Variants in NEMP2 observed in about 807,000 individuals in gnomAD.
The protein encoded by NEMP2 is nuclear envelope integral membrane protein 2.
NEMP2 carries 53 observed loss-of-function variants against 54.2 expected under a neutral mutation model. That is an observed-to-expected ratio of 0.98 (90% confidence interval 0.78 to 1.23). The LOEUF (loss-of-function observed/expected upper bound fraction) is 1.23, where lower values mean the gene tolerates loss of function less well. NEMP2 is among the 50% of genes most tolerant of loss of function. NEMP2 has a pLI of 0.00. For synonymous variants in NEMP2, 197 were observed against 190.3 expected (o/e 1.04, Z -0.29); for missense variants, 455 against 511.3 (o/e 0.89, Z 1.06).
chr2:190,449,960 C>G, the NEMP2 span, among the ~76,000 whole-genome samples: 2 of 152,018 alleles, frequency 1.3e-5, no homozygotes, highest in East Asian at 3.9e-4. Flanking sequence ...CACATGTATA[C>G]ATATGTAACT....
At chr2:190,599,089 G>A in the NEMP2 span, among the ~76,000 whole-genome samples, 1 of 152,208 alleles carries the variant, frequency 6.6e-6, no homozygotes, top group Non-Finnish European at 1.5e-5. Flanking sequence ...AATCAGATGT[G>A]TTTCTTCTAA....
the NEMP2 span, among the ~76,000 whole-genome samples, chr2:190,599,547 A>G: frequency 6.6e-6 from 1 of 152,224 alleles, no homozygotes; most frequent in Non-Finnish European, 1.5e-5. Context: ...AATAGTATTA[A>G]TATTGCCAAT....
At chr2:190,586,918 A>G in the NEMP2 span, among the ~76,000 whole-genome samples, 2 of 152,104 alleles carry the variant, frequency 1.3e-5, no homozygotes, top group Non-Finnish European at 2.9e-5. The surrounding 1 kb of genome is among the most constrained non-coding windows in gnomAD (Gnocchi z 4.5). Flanking sequence ...TGAGGTAGAA[A>G]TTTTCGGGTT....
In NEMP2 at chr2:190,504,959, TTC is replaced by T. The variant is rs1016907147; in HGVS notation, c.*4228_*4229del. 13 of 152,356 alleles carry T rather than the reference TTC, an allele frequency of 8.5e-5. 2 individuals are homozygous for T. The highest frequency in any genetic ancestry group is 2.9e-4 in the African/African-American group (12 of 41,588). 9.4% of individuals were successfully genotyped at this position (152,356 alleles called of 1,614,324 possible). Reference sequence around the variant, plus strand: ...ATCGTGCTTATATTCTGTATGTCTTTTCTTTCAAAGATTATTTCATTTTTCTA... The same window carrying T: ...ATCGTGCTTATATTCTGTATGTCTTTTTTCAAAGATTATTTCATTTTTCTA... On this transcript the variant is annotated 3_prime_UTR_variant, in exon 9 of 9. Transcript: ENST00000409150. This position sits in a 1 kb window ranked among gnomAD's most constrained non-coding sequence, Gnocchi z 5.6.
the NEMP2 span, among the ~76,000 whole-genome samples, chr2:190,556,684 A>G: frequency 2.6e-5 from 4 of 152,218 alleles, no homozygotes; most frequent in African/African-American, 9.6e-5. Context: ...ATACACCAAT[A>G]GCAGACAAAC....
chr2:190,578,807 T>C, the NEMP2 span, among the ~76,000 whole-genome samples: 1 of 151,894 alleles, frequency 6.6e-6, no homozygotes, highest in African/African-American at 2.4e-5. This position sits in a 1 kb window ranked among gnomAD's most constrained non-coding sequence, Gnocchi z 4.4. Context: ...GGGAGGACTT[T>C]TATGGAGTGC....
chr2:190,469,996 G>A, the NEMP2 span: 1 of 597,680 alleles, frequency 1.7e-6, no homozygotes, highest in Non-Finnish European at 2.9e-6. This position sits in a 1 kb window ranked among gnomAD's most constrained non-coding sequence, Gnocchi z 5.3. Flanking sequence ...TGTTAAGGAA[G>A]AGATGACATC....
the NEMP2 span, among the ~76,000 whole-genome samples, chr2:190,451,050 C>G: frequency 6.6e-6 from 1 of 152,190 alleles, no homozygotes; most frequent in Non-Finnish European, 1.5e-5. The surrounding 1 kb of genome is among the most constrained non-coding windows in gnomAD (Gnocchi z 5.0). Flanking sequence ...CTAGGCTTGA[C>G]TCCAGTCATC....
the NEMP2 span, among the ~76,000 whole-genome samples, chr2:190,619,434 AG>A: frequency 6.6e-6 from 1 of 151,694 alleles, no homozygotes; most frequent in Middle Eastern, 3.4e-3. The surrounding 1 kb of genome is among the most constrained non-coding windows in gnomAD (Gnocchi z 5.5). Flanking sequence ...CAGGAGTTTG[AG>A]GTTGCAGTGG....
chr2:190,598,091 TCCA>T, the NEMP2 span, among the ~76,000 whole-genome samples: 1 of 152,158 alleles, frequency 6.6e-6, no homozygotes, highest in Non-Finnish European at 1.5e-5. Context: ...CATCCCTGAC[TCCA>T]CCAACTAGAT....
At chr2:190,584,630 T>A in the NEMP2 span, among the ~76,000 whole-genome samples, 4 of 152,066 alleles carry the variant, frequency 2.6e-5, no homozygotes, top group African/African-American at 9.7e-5. The surrounding 1 kb of genome is among the most constrained non-coding windows in gnomAD (Gnocchi z 4.2). Flanking sequence ...CCCAGCACTT[T>A]GGGAGGCCCA....
chr2:190,571,549 T>TATAATA, the NEMP2 span, among the ~76,000 whole-genome samples: 32,823 of 149,776 alleles, frequency 0.22, 4,566 homozygotes, highest in South Asian at 0.32. Context: ...TCTCAAAAAA[T>TATAATA]ATAATAATAA....
At chr2:190,613,126 T>C in the NEMP2 span, among the ~76,000 whole-genome samples, 1 of 152,168 alleles carries the variant, frequency 6.6e-6, no homozygotes, top group Non-Finnish European at 1.5e-5. Flanking sequence ...TGATCTGACC[T>C]AACTGACTCC....
the NEMP2 span, among the ~76,000 whole-genome samples, chr2:190,618,148 T>C: frequency 6.6e-6 from 1 of 152,234 alleles, no homozygotes; most frequent in Non-Finnish European, 1.5e-5. Context: ...GCTTGCAGCT[T>C]ATCAGTGTGG....
the NEMP2 span, chr2:190,464,849 T>C: frequency 1.1e-6 from 1 of 909,044 alleles, no homozygotes. Flanking sequence ...GATAGTGGCA[T>C]CTTAATAAAT....
the NEMP2 span, chr2:190,436,191 A>C: frequency 6.2e-7 from 1 of 1,614,086 alleles, no homozygotes; most frequent in African/African-American, 1.3e-5. This position sits in a 1 kb window ranked among gnomAD's most constrained non-coding sequence, Gnocchi z 5.3. Flanking sequence ...AGGAGGAAAT[A>C]GACTGGATAG....
Position 190,530,698 on chromosome 2 carries a change from G to T in NEMP2, c.97+3861C>A, listed in dbSNP as rs892537386. Among the ~76,000 whole-genome samples, 6 of 152,348 alleles carry T rather than the reference G, an allele frequency of 3.9e-5. No individual in the cohort carries two copies. Among genetic ancestry groups the T allele is most frequent in the Admixed American group, 1.3e-4 (2 of 15,312 alleles). On this transcript the variant is annotated intron_variant, in intron 1 of 8. Coordinates refer to ENST00000409150, the MANE Select transcript of NEMP2 (RefSeq NM_001142645.2). The surrounding 1 kb of genome is among the most constrained non-coding windows in gnomAD (Gnocchi z 4.6). ...ATGTCCAATGGAAACAGGAAACAGAGCCAGTTTGACTGCTTATTTGAACTC... is the reference window on the plus strand; with the variant it reads ...ATGTCCAATGGAAACAGGAAACAGATCCAGTTTGACTGCTTATTTGAACTC...
At chr2:190,472,381 G>A in the NEMP2 span, among the ~76,000 whole-genome samples, 1 of 152,178 alleles carries the variant, frequency 6.6e-6, no homozygotes, top group African/African-American at 2.4e-5. Flanking sequence ...CCAATGCAGA[G>A]AAGTCCTTAA....
the NEMP2 span, among the ~76,000 whole-genome samples, chr2:190,450,997 G>C: frequency 6.6e-6 from 1 of 152,220 alleles, no homozygotes; most frequent in Non-Finnish European, 1.5e-5. Flanking sequence ...CATTGGCCAA[G>C]CATTTCATTC....
Sources: allele counts gnomAD v4.1 joint callset (sites outside exome capture counted in the v4.1 genomes callset), GRCh38; gene constraint gnomAD v4.1.1; non-coding constraint Gnocchi (gnomAD v3.1); transcripts MANE v1.5; gene names NCBI Gene and HGNC (gene_info 2026-07-23, HGNC 2026-07-21).